Variants in ABCC5 observed in about 807,000 individuals in gnomAD.
ABCC5 encodes the protein ATP-binding cassette sub-family C member 5.
Under a neutral mutation model 160.9 loss-of-function variants are expected in ABCC5, and 61 were observed. That is an observed-to-expected ratio of 0.38 (90% CI 0.31 to 0.47). ABCC5 has a LOEUF of 0.47. Among genes scored for constraint, ABCC5 ranks in the 20% least tolerant of loss-of-function variants. The probability of loss-of-function intolerance (pLI) is 0.99; values close to 1 mark genes in which losing one functional copy is unlikely to be tolerated. For missense variants in ABCC5, 1,308 were observed against 1,813.3 expected, an observed-to-expected ratio of 0.72 and a Z score of 5.06; for synonymous variants, 666 against 700.6, an observed-to-expected ratio of 0.95 and a Z score of 0.78.
chr3:183,994,920 T>C (rs1198077625), intron 2 of ABCC5, among the ~76,000 whole-genome samples: 1 of 151,288 alleles, frequency 6.6e-6, no homozygotes, highest in Admixed American at 6.6e-5. Context: ...TGCAATGGCA[T>C]GATCACGGCT....
Position 183,978,645 on chromosome 3 carries a change from C to T in ABCC5, c.1154G>A (p.Arg385His), listed in dbSNP as rs1211541159. Residue 385 changes from arginine (R) to histidine (H), a missense_variant, in exon 9 of 30, where the codon CGC (arginine) becomes CAC (histidine). Around this residue, in one of 3 missense-constraint regions of ABCC5, gnomAD observed 1,142 missense variants for 1,527.1 expected, o/e 0.75. Transcript: ENST00000334444. Reference protein sequence around the residue: ...KAFSQSVQKIREEERRILEKA... With the variant: ...KAFSQSVQKIHEEERRILEKA... Reference sequence around the variant, plus strand: ...TTCCAATATCCGACGCTCCTCCTCGCGGATTTCTATGAATAAAAAGCAAGC... The same window carrying T: ...TTCCAATATCCGACGCTCCTCCTCGTGGATTTCTATGAATAAAAAGCAAGC... The T allele has an allele frequency of 5.6e-6, 9 of 1,612,696 alleles. No homozygotes were observed. The highest frequency in any genetic ancestry group is 6.8e-6 in the Non-Finnish European group (8 of 1,179,586).
intron 26 of ABCC5, among the ~76,000 whole-genome samples, chr3:183,930,316 G>A (rs1713054019): frequency 6.6e-6 from 1 of 152,236 alleles, no homozygotes; most frequent in Admixed American, 6.5e-5. Context: ...GGGAGATTCT[G>A]ACCCGCCTTG....
At chr3:184,016,771 G>A (rs998696517) in intron 1 of ABCC5, among the ~76,000 whole-genome samples, 3 of 152,144 alleles carry the variant, frequency 2.0e-5, no homozygotes, top group Non-Finnish European at 4.4e-5. Flanking sequence ...TAGGGTTGAG[G>A]CCACTTAGTC....
intron 20 of ABCC5, 58 bp from the exon 21 acceptor site, chr3:183,950,183 T>C (rs1577501570): frequency 1.9e-6 from 3 of 1,540,778 alleles, no homozygotes; most frequent in East Asian, 2.3e-5. Flanking sequence ...GAACTGAAAA[T>C]TGAAAAAAAC....
rs545571765 is a variant in ABCC5 at position 183,951,129 on chromosome 3, C to G, written c.2944+312G>C. Among the ~76,000 whole-genome samples, 410 of 152,330 alleles carry G rather than the reference C, an allele frequency of 2.7e-3. 1 individual carries two copies. Among genetic ancestry groups the G allele is most frequent in the Non-Finnish European group, 4.1e-3 (276 of 68,030 alleles). The stretch of plus-strand genomic sequence containing the variant: ...CAGTATTTCAGTTCTGGTGCAGGCA[C>G]AGCCCATACAACAGCCAGAAAACCT... On this transcript the variant is annotated intron_variant, in intron 20 of 29. Transcript: ENST00000334444. The surrounding 1 kb of genome is among the most constrained non-coding windows in gnomAD (Gnocchi z 4.7).
intron 2 of ABCC5, among the ~76,000 whole-genome samples, chr3:184,008,239 C>T (rs1296668193): frequency 1.3e-5 from 2 of 151,970 alleles, no homozygotes; most frequent in Non-Finnish European, 2.9e-5. Flanking sequence ...CAAATATTTG[C>T]TAAATTTAAA....
intron 29 of ABCC5, 103 bp downstream of exon 29, chr3:183,925,452 T>A: frequency 8.1e-7 from 1 of 1,239,698 alleles, no homozygotes; most frequent in South Asian, 1.6e-5. Flanking sequence ...CAAGTGCTTA[T>A]CTGAATGCCC....
intron 15 of ABCC5, 58 bp from the exon 16 acceptor site, chr3:183,961,712 C>T (rs1716754178): frequency 1.1e-5 from 17 of 1,600,204 alleles, no homozygotes; most frequent in Non-Finnish European, 1.3e-5. Flanking sequence ...ATTCAAAAAC[C>T]CATACATTAG....
chr3:183,999,695 C>T (rs1277489757), intron 2 of ABCC5, among the ~76,000 whole-genome samples: 3 of 152,066 alleles, frequency 2.0e-5, no homozygotes, highest in African/African-American at 7.2e-5. Context: ...AGGAGGATCG[C>T]TTGATCCTGG....
chr3:183,972,486 A>C (rs990939225), intron 10 of ABCC5, among the ~76,000 whole-genome samples: 1 of 152,168 alleles, frequency 6.6e-6, no homozygotes, highest in Admixed American at 6.5e-5. Context: ...AGAAACTCTC[A>C]TGTCTTCAAA....
chr3:183,947,303 G>C, intron 23 of ABCC5, 21 bp downstream of exon 23: 2 of 1,561,054 alleles, frequency 1.3e-6, no homozygotes, highest in Non-Finnish European at 1.7e-6. Flanking sequence ...CAAAGATGAC[G>C]CTCCTATCCC....
In ABCC5 at chr3:183,951,816, G is replaced by A. The variant is rs758611029; in HGVS notation, c.2814+41C>T. Reference sequence around the variant, plus strand: ...ACGCCACACCAAAGCCTGACCACAGGTCACCAGGGAGGAGGGCAGAGACCA... The same window carrying A: ...ACGCCACACCAAAGCCTGACCACAGATCACCAGGGAGGAGGGCAGAGACCA... On this transcript the variant is annotated intron_variant, in intron 19 of 29. Coordinates refer to ENST00000334444, the MANE Select transcript of ABCC5 (RefSeq NM_005688.4). This position sits in a 1 kb window ranked among gnomAD's most constrained non-coding sequence, Gnocchi z 4.7. 5.0e-6 allele frequency: 8 copies of A among 1,598,842 alleles called. No individual in the cohort carries two copies. The highest frequency in any genetic ancestry group is 6.8e-6 in the Non-Finnish European group (8 of 1,171,170).
intron 23 of ABCC5, among the ~76,000 whole-genome samples, chr3:183,946,587 G>A (rs1714869828): frequency 6.6e-6 from 1 of 151,946 alleles, no homozygotes; most frequent in Non-Finnish European, 1.5e-5. Flanking sequence ...GAACTCCCAG[G>A]TACCAAAACT....
At position 183,934,708 on chromosome 3, in the gene ABCC5, C is replaced by T. The variant is rs117333089; in HGVS notation, c.3854+3193G>A. Among the ~76,000 whole-genome samples the T allele has an allele frequency of 3.0e-4, 46 of 152,272 alleles. No individual in the cohort carries two copies. In the East Asian group the frequency reaches 7.1e-3, roughly 24 times the overall value. The stretch of plus-strand genomic sequence containing the variant: ...ATATAATTTAAAAAAGCAGAGACGA[C>T]GTCTCACGATGTTGCCCAGGGTGGT... On this transcript the variant is annotated intron_variant, in intron 26 of 29. Coordinates refer to ENST00000334444, the MANE Select transcript of ABCC5 (RefSeq NM_005688.4).
intron 2 of ABCC5, among the ~76,000 whole-genome samples, chr3:183,993,876 T>C (rs1720002033): frequency 6.6e-6 from 1 of 152,004 alleles, no homozygotes; most frequent in South Asian, 2.1e-4. Context: ...TCATACATCA[T>C]CGAGGTCTAA....
At chr3:183,989,750 C>T (rs1049284001) in intron 2 of ABCC5, among the ~76,000 whole-genome samples, 12 of 152,046 alleles carry the variant, frequency 7.9e-5, no homozygotes, top group Non-Finnish European at 1.5e-4. Context: ...ATTGATGAGC[C>T]AATACAGATT....
Position 183,951,577 on chromosome 3 carries a change from A to G in ABCC5, c.2815-7T>C, listed in dbSNP as rs1559998399. 4 of 1,613,782 alleles carry G rather than the reference A, an allele frequency of 2.5e-6. No homozygotes were observed. Among genetic ancestry groups the G allele is most frequent in the Non-Finnish European group, 3.4e-6 (4 of 1,179,890 alleles). ...AGGAAGCTCGCAGCGTGCCCTGAGG[A>G]GCAGAGCACAGAGTGGTCAGGGCCC... On this transcript the variant is annotated splice_polypyrimidine_tract_variant and splice_region_variant and intron_variant, in intron 19 of 29. Transcript: ENST00000334444. This position sits in a 1 kb window ranked among gnomAD's most constrained non-coding sequence, Gnocchi z 4.7.
At chr3:183,977,290 T>C (rs193247936) in intron 10 of ABCC5, among the ~76,000 whole-genome samples, 1 of 152,300 alleles carries the variant, frequency 6.6e-6, no homozygotes, top group Non-Finnish European at 1.5e-5. Flanking sequence ...GGAGCCCAGA[T>C]CATGGCCGTT....
At position 183,976,226 on chromosome 3, in the gene ABCC5, CTT is replaced by C. The variant is rs1352464116; in HGVS notation, c.1404+1289_1404+1290del. On this transcript the variant is annotated intron_variant, in intron 10 of 29. Transcript: ENST00000334444. Reference sequence around the variant, plus strand: ...CCCTCCCTTCCTTTTTCTTTCTTCTCTTTTTGTAAGAAACAAACAAACAACAA... The same window carrying C: ...CCCTCCCTTCCTTTTTCTTTCTTCTCTTTGTAAGAAACAAACAAACAACAA... Among the ~76,000 whole-genome samples, 3 of 151,798 alleles carry C rather than the reference CTT, an allele frequency of 2.0e-5. No homozygotes were observed. In the East Asian group the frequency reaches 5.8e-4, roughly 29 times the overall value.
Sources: gnomAD v4.1 joint callset for allele counts (sites outside exome capture counted in the v4.1 genomes callset) on GRCh38, gnomAD v4.1.1 for gene constraint, gnomAD v4.1.1 regional missense constraint, Gnocchi (gnomAD v3.1) non-coding constraint, MANE v1.5 for transcripts, NCBI Gene and HGNC (gene_info 2026-07-23, HGNC 2026-07-21) for gene names.